The following AUTS2 variants were observed in gnomAD, a reference collection of about 807,000 sequenced individuals.
AUTS2 encodes activator of transcription and developmental regulator AUTS2.
A neutral mutation model predicts 112.4 loss-of-function variants in AUTS2; 17 were observed. The observed-to-expected ratio is 0.15, with a 90% CI of 0.10 to 0.23. The LOEUF is 0.23. Among genes scored for constraint, AUTS2 ranks in the 10% least tolerant of loss-of-function variants. The probability of loss-of-function intolerance (pLI) is 1.00; values close to 1 mark genes in which losing one functional copy is unlikely to be tolerated. For missense variants in AUTS2, 1,510 were observed against 1,701.6 expected (o/e 0.89, Z 1.98); for synonymous variants, 751 against 702.7 (o/e 1.07, Z -1.09).
intron 4 of AUTS2, among the ~76,000 whole-genome samples, chr7:70,387,254 C>A (rs1195173017): frequency 1.3e-5 from 2 of 152,188 alleles, no homozygotes; most frequent in African/African-American, 4.8e-5. Flanking sequence ...CGTTACTTTA[C>A]AGAAATGTCT....
rs1161122707 is a variant in AUTS2 at position 69,693,523 on chromosome 7, A to G, written c.309+93561A>G. ...GTGTGTTATTTTGGGCTGTTAATAT[A>G]CTTGACTGCTTGTTTCAAGGACTGG... On this transcript the variant is annotated intron_variant, in intron 1 of 18. Coordinates refer to ENST00000342771, the MANE Select transcript of AUTS2 (RefSeq NM_015570.4). Among the ~76,000 whole-genome samples, 3 of 152,240 alleles carry G rather than the reference A, an allele frequency of 2.0e-5. No homozygotes were observed. In the East Asian group the frequency reaches 5.8e-4, roughly 29 times the overall value.
intron 18 of AUTS2, 53 bp from the exon 19 acceptor site, chr7:70,789,695 C>T (rs765786370): frequency 5.7e-4 from 897 of 1,562,470 alleles, no homozygotes; most frequent in Non-Finnish European, 7.2e-4. Context: ...CTGGCCCGGC[C>T]GACTCGCCCC....
chr7:70,211,952 C>G (rs557477101), intron 4 of AUTS2, among the ~76,000 whole-genome samples: 2 of 152,314 alleles, frequency 1.3e-5, no homozygotes, highest in Non-Finnish European at 2.9e-5. Context: ...CACCACTGCA[C>G]TCCAGCCTGG....
chr7:69,730,469 T>C (rs1786744546), intron 1 of AUTS2, among the ~76,000 whole-genome samples: 1 of 152,164 alleles, frequency 6.6e-6, no homozygotes, highest in Admixed American at 6.6e-5. Context: ...ACATATGCCC[T>C]CTCCTTACCT....
intron 1 of AUTS2, among the ~76,000 whole-genome samples, chr7:69,813,127 A>C (rs1264685404): frequency 6.6e-6 from 1 of 152,040 alleles, no homozygotes; most frequent in East Asian, 1.9e-4. Context: ...CCTTAGATTA[A>C]TCCTCTCTGA....
chr7:70,341,517 A>G (rs1231550107), intron 4 of AUTS2, among the ~76,000 whole-genome samples: 1 of 152,228 alleles, frequency 6.6e-6, no homozygotes, highest in African/African-American at 2.4e-5. Context: ...CACAGTGACA[A>G]CTTTCTCAGA....
chr7:69,773,016 G>A (rs1292417934), intron 1 of AUTS2, among the ~76,000 whole-genome samples: 2 of 152,138 alleles, frequency 1.3e-5, no homozygotes, highest in Non-Finnish European at 2.9e-5. Context: ...AAAGAGTACG[G>A]TATGTAAGAA....
At chr7:69,734,561 T>A (rs1490185713) in intron 1 of AUTS2, among the ~76,000 whole-genome samples, 1 of 152,016 alleles carries the variant, frequency 6.6e-6, no homozygotes, top group Non-Finnish European at 1.5e-5. Flanking sequence ...AAGTCTGGGC[T>A]TTACACATTA....
chr7:70,492,974 C>T (rs998392657), intron 5 of AUTS2, among the ~76,000 whole-genome samples: 13 of 152,156 alleles, frequency 8.5e-5, no homozygotes, highest in Non-Finnish European at 1.8e-4. Flanking sequence ...GCCCTTCCCC[C>T]GTAAACCCCC....
At chr7:69,721,219 T>C (rs1033950065) in intron 1 of AUTS2, among the ~76,000 whole-genome samples, 2 of 152,208 alleles carry the variant, frequency 1.3e-5, no homozygotes, top group African/African-American at 4.8e-5. Context: ...GCTCAAGTAC[T>C]GCAGCAGCAA....
intron 4 of AUTS2, among the ~76,000 whole-genome samples, chr7:70,333,587 G>C (rs1472663692): frequency 6.6e-6 from 1 of 152,136 alleles, no homozygotes; most frequent in Non-Finnish European, 1.5e-5. Flanking sequence ...ACTGGATAAA[G>C]AAAATGTGGC....
chr7:70,700,604 G>C (rs1345172663), intron 6 of AUTS2, among the ~76,000 whole-genome samples: 2 of 149,774 alleles, frequency 1.3e-5, no homozygotes, highest in East Asian at 4.6e-4. Context: ...GAGATTAAGG[G>C]GGGTGTGGAG....
At chr7:70,163,026 C>A (rs545309282) in intron 4 of AUTS2, among the ~76,000 whole-genome samples, 23 of 151,978 alleles carry the variant, frequency 1.5e-4, no homozygotes, top group African/African-American at 5.5e-4. Context: ...AAGAGGTTTG[C>A]TTTTTTTAAA....
chr7:69,853,863 C>G (rs1196940609), intron 1 of AUTS2, among the ~76,000 whole-genome samples: 1 of 151,932 alleles, frequency 6.6e-6, no homozygotes, highest in Non-Finnish European at 1.5e-5. Context: ...ACACCTATAC[C>G]ACAATATTGC....
At chr7:69,636,480 G>GCCCCCCCCCCC (rs10652609) in intron 1 of AUTS2, among the ~76,000 whole-genome samples, 2 of 16,098 alleles carry the variant, frequency 1.2e-4, no homozygotes, top group Admixed American at 6.7e-4. Context: ...AGTGATCCGC[G>GCCCCCCCCCCC]CCCCCCCCCC....
intron 5 of AUTS2, among the ~76,000 whole-genome samples, chr7:70,549,774 G>T (rs1489584553): frequency 6.6e-6 from 1 of 152,176 alleles, no homozygotes; most frequent in East Asian, 1.9e-4. Flanking sequence ...TCAGCAACCT[G>T]ACCAGAACAG....
At chr7:69,958,619 C>G (rs1293995564) in intron 2 of AUTS2, among the ~76,000 whole-genome samples, 1 of 152,030 alleles carries the variant, frequency 6.6e-6, no homozygotes, top group Admixed American at 6.6e-5. Context: ...CACTGTGTGG[C>G]CTTCTCTCTG....
At chr7:70,652,375 A>AT (rs1229757927) in intron 5 of AUTS2, among the ~76,000 whole-genome samples, 1 of 152,068 alleles carries the variant, frequency 6.6e-6, no homozygotes, top group African/African-American at 2.4e-5. Flanking sequence ...TAGACAATTT[A>AT]TGCCATTTAA....
intron 1 of AUTS2, among the ~76,000 whole-genome samples, chr7:69,873,010 T>A (rs1483560053): frequency 6.6e-6 from 1 of 151,338 alleles, no homozygotes; most frequent in Non-Finnish European, 1.5e-5. Context: ...ACCCAGATAA[T>A]TTTTGTATTT....
Sources: gnomAD v4.1 joint callset for allele counts (sites outside exome capture counted in the v4.1 genomes callset) on GRCh38, gnomAD v4.1.1 for gene constraint, MANE v1.5 for transcripts, NCBI Gene and HGNC (gene_info 2026-07-23, HGNC 2026-07-21) for gene names.